The following DSCAM variants were observed in gnomAD, a reference collection of about 807,000 sequenced individuals.
DSCAM encodes the protein cell adhesion molecule DSCAM.
DSCAM carries 47 observed loss-of-function variants against 217.7 expected under a neutral mutation model. That is an observed-to-expected ratio of 0.22 (90% CI 0.17 to 0.28). The LOEUF is 0.28. Among genes scored for constraint, DSCAM ranks in the 10% least tolerant of loss-of-function variants. The probability of loss-of-function intolerance (pLI) is 1.00; values close to 1 mark genes in which losing one functional copy is unlikely to be tolerated. For missense variants in DSCAM, 2,080 were observed against 2,618.3 expected, an observed-to-expected ratio of 0.79 and a Z score of 4.49; for synonymous variants, 1,056 against 1,015.3, an observed-to-expected ratio of 1.04 and a Z score of -0.76.
chr21:40,280,440 T>C (rs1485348483), intron 10 of DSCAM, among the ~76,000 whole-genome samples: 1 of 152,118 alleles, frequency 6.6e-6, no homozygotes, highest in Non-Finnish European at 1.5e-5. Context: ...CCTTCCACCT[T>C]AGCCTCCCAA....
At chr21:40,522,806 C>T (rs895571475) in intron 3 of DSCAM, among the ~76,000 whole-genome samples, 2 of 152,210 alleles carry the variant, frequency 1.3e-5, no homozygotes, top group African/African-American at 2.4e-5. Flanking sequence ...CTCTATCTTG[C>T]CACCTTGCTG....
intron 11 of DSCAM, among the ~76,000 whole-genome samples, chr21:40,219,624 G>C (rs987109153): frequency 6.6e-6 from 1 of 152,100 alleles, no homozygotes; most frequent in South Asian, 2.1e-4. Context: ...GACATTAACT[G>C]TCTTTGGCTT....
At chr21:40,251,354 GA>G (rs201744614) in intron 11 of DSCAM, among the ~76,000 whole-genome samples, 108 of 150,148 alleles carry the variant, frequency 7.2e-4, no homozygotes, top group African/African-American at 7.5e-4. Flanking sequence ...TTAGCAGAGA[GA>G]AAAAAAAATA....
intron 10 of DSCAM, among the ~76,000 whole-genome samples, chr21:40,284,182 G>A (rs1182339748): frequency 6.6e-6 from 1 of 152,186 alleles, no homozygotes; most frequent in Non-Finnish European, 1.5e-5. Context: ...CCTAAATAAG[G>A]TTTAGTAGCT....
chr21:40,565,168 T>G (rs549872131), intron 3 of DSCAM, among the ~76,000 whole-genome samples: 3 of 152,218 alleles, frequency 2.0e-5, no homozygotes, highest in Non-Finnish European at 4.4e-5. Context: ...CCTGCTCTGC[T>G]ACCCACCATG....
intron 3 of DSCAM, among the ~76,000 whole-genome samples, chr21:40,621,900 AAGGG>A (rs1158536780): frequency 7.4e-5 from 7 of 95,054 alleles, no homozygotes; most frequent in African/African-American, 2.9e-4. Flanking sequence ...AGAGAGAGAG[AAGGG>A]AGGGAGGGAG....
intron 4 of DSCAM, among the ~76,000 whole-genome samples, chr21:40,356,721 C>G (rs563017918): frequency 6.6e-6 from 1 of 152,216 alleles, no homozygotes; most frequent in Non-Finnish European, 1.5e-5. Flanking sequence ...AAGCCTGGTC[C>G]CTTGTGAAAC....
intron 32 of DSCAM, among the ~76,000 whole-genome samples, chr21:40,018,854 A>ACTATC (rs1176696310): frequency 6.6e-6 from 1 of 152,220 alleles, no homozygotes; most frequent in Non-Finnish European, 1.5e-5. Flanking sequence ...TGCAGGTCTG[A>ACTATC]CAAGTATCTC....
chr21:40,737,058 C>T lies in DSCAM; in HGVS notation c.44-28287G>A, dbSNP rs916603885. The stretch of plus-strand genomic sequence containing the variant: ...TCAATCAGAAAGCAAGTTGATGCTA[C>T]GGAACAAATACTGTAAGGAAGATTC... On this transcript the variant is annotated intron_variant, in intron 1 of 32. Coordinates refer to ENST00000400454, the MANE Select transcript of DSCAM (RefSeq NM_001389.5). Among the ~76,000 whole-genome samples the T allele has an allele frequency of 5.9e-5, 9 of 152,210 alleles. No homozygotes were observed. The South Asian group carries it at 8.3e-4, about 14-fold the overall frequency.
chr21:40,098,156 A>G (rs2089707073), intron 20 of DSCAM, among the ~76,000 whole-genome samples: 3 of 152,184 alleles, frequency 2.0e-5, no homozygotes, highest in Admixed American at 6.5e-5. Context: ...GGATATTACC[A>G]GTAATAAAGA....
At chr21:40,311,491 C>A (rs961895788) in intron 9 of DSCAM, among the ~76,000 whole-genome samples, 1 of 152,100 alleles carries the variant, frequency 6.6e-6, no homozygotes, top group Non-Finnish European at 1.5e-5. Flanking sequence ...AGTTAGCCTA[C>A]CCTATTTTAA....
intron 1 of DSCAM, among the ~76,000 whole-genome samples, chr21:40,755,778 A>G (rs1488535298): frequency 6.6e-6 from 1 of 152,210 alleles, no homozygotes; most frequent in Admixed American, 6.5e-5. Context: ...TGAGATATTC[A>G]TATAGCTTCT....
At chr21:40,755,260 A>C (rs1310286701) in intron 1 of DSCAM, among the ~76,000 whole-genome samples, 1 of 152,118 alleles carries the variant, frequency 6.6e-6, no homozygotes, top group Non-Finnish European at 1.5e-5. Flanking sequence ...AGCCTGGCCA[A>C]CATGGTGAAA....
At chr21:40,246,021 C>A (rs772597293) in intron 11 of DSCAM, among the ~76,000 whole-genome samples, 19 of 152,076 alleles carry the variant, frequency 1.2e-4, no homozygotes, top group Non-Finnish European at 2.5e-4. Flanking sequence ...TTCCTCAGGC[C>A]TTTTCTCTCT....
Position 40,722,381 on chromosome 21 carries a change from G to T in DSCAM, c.44-13610C>A, listed in dbSNP as rs188237536. On this transcript the variant is annotated intron_variant, in intron 1 of 32. Coordinates refer to ENST00000400454, the MANE Select transcript of DSCAM (RefSeq NM_001389.5). ...AAATGAATAACAATATTAACACAAA[G>T]GCAGGAGGAAGGAGGAAATAAAAAT... Among the ~76,000 whole-genome samples the T allele has an allele frequency of 6.6e-4, 100 of 152,196 alleles. 3 individuals carry two copies. In the South Asian group the frequency reaches 0.02, roughly 30 times the overall value.
At chr21:40,033,480 G>C (rs955418990) in intron 32 of DSCAM, among the ~76,000 whole-genome samples, 1 of 151,994 alleles carries the variant, frequency 6.6e-6, no homozygotes. Context: ...CTTAAAACAC[G>C]GCGCACCACG....
At chr21:40,707,925 CA>C in intron 2 of DSCAM, among the ~76,000 whole-genome samples, 1 of 152,274 alleles carries the variant, frequency 6.6e-6, no homozygotes, top group East Asian at 1.9e-4. Flanking sequence ...TATGTACTGA[CA>C]ACATTTCAGC....
intron 3 of DSCAM, among the ~76,000 whole-genome samples, chr21:40,431,590 A>G (rs1175098097): frequency 6.6e-6 from 1 of 152,244 alleles, no homozygotes; most frequent in Admixed American, 6.5e-5. Context: ...AATAGTAAGC[A>G]TATTTTTTTA....
chr21:40,146,022 G>A (rs897900772), intron 16 of DSCAM, among the ~76,000 whole-genome samples: 2 of 151,456 alleles, frequency 1.3e-5, no homozygotes, highest in African/African-American at 2.4e-5. Context: ...ACATATACAC[G>A]TACACACATA....
Sources: allele counts gnomAD v4.1 joint callset (sites outside exome capture counted in the v4.1 genomes callset), GRCh38; gene constraint gnomAD v4.1.1; transcripts MANE v1.5; gene names NCBI Gene and HGNC (gene_info 2026-07-23, HGNC 2026-07-21).